The following CCSER2 variants were observed in gnomAD, a reference collection of about 807,000 sequenced individuals.
The protein encoded by CCSER2 is serine-rich coiled-coil domain-containing protein 2.
Under a neutral mutation model 92.3 loss-of-function variants are expected in CCSER2, and 46 were observed. That is an observed-to-expected ratio of 0.50 (90% CI 0.39 to 0.64). CCSER2 has a LOEUF of 0.64. Among genes scored for constraint, CCSER2 ranks in the 30% least tolerant of loss-of-function variants. CCSER2 has a pLI of 0.00. For synonymous variants in CCSER2, 433 were observed against 431.4 expected (o/e 1.00, Z -0.04); for missense variants, 1,244 against 1,238.9 (o/e 1.00, Z -0.06).
intron 3 of CCSER2, among the ~76,000 whole-genome samples, chr10:84,394,365 TGAA>T (rs1300875920): frequency 6.9e-6 from 1 of 145,838 alleles, no homozygotes; most frequent in Non-Finnish European, 1.5e-5. Context: ...CATATGCTCT[TGAA>T]ATAACAAAAG....
At chr10:84,334,219 T>C (rs1190783916) in intron 1 of CCSER2, among the ~76,000 whole-genome samples, 1 of 152,176 alleles carries the variant, frequency 6.6e-6, no homozygotes. Flanking sequence ...ATTGTGGTTG[T>C]ATAGGGTGAA....
rs116668213 is a variant in CCSER2 at position 84,361,617 on chromosome 10, A to G, written c.-39-9397A>G. On this transcript the variant is annotated intron_variant, in intron 1 of 9. Transcript: ENST00000372088. ...GGTCTTCATTACCATGTTGTATTCT[A>G]TTATGTAGAAACTACCACTAACATT... 9.0e-3 allele frequency among the ~76,000 whole-genome samples: 1,361 copies of G among 151,520 alleles called. 18 individuals are homozygous for G. The highest frequency in any genetic ancestry group is 0.031 in the African/African-American group (1,290 of 41,370).
At chr10:84,428,791 A>T (rs1480764921) in intron 5 of CCSER2, among the ~76,000 whole-genome samples, 1 of 152,034 alleles carries the variant, frequency 6.6e-6, no homozygotes, top group Non-Finnish European at 1.5e-5. Flanking sequence ...ATTCATGGAT[A>T]GTTGAGTGTT....
At chr10:84,419,364 A>AAAAAAAAAATAAAAAT (rs749756409) in intron 4 of CCSER2, among the ~76,000 whole-genome samples, 217 of 149,976 alleles carry the variant, frequency 1.4e-3, no homozygotes, top group African/African-American at 5.0e-3. Flanking sequence ...TCAAAAAAAA[A>AAAAAAAAAATAAAAAT]AAAATAAAAT....
chr10:84,349,891 C>T (rs187623939), intron 1 of CCSER2, among the ~76,000 whole-genome samples: 4 of 152,282 alleles, frequency 2.6e-5, no homozygotes, highest in African/African-American at 7.2e-5. Context: ...CAGTGGCTCA[C>T]GCCTGTAATC....
chr10:84,433,475 A>G (rs1843912669), intron 5 of CCSER2, among the ~76,000 whole-genome samples: 1 of 152,094 alleles, frequency 6.6e-6, no homozygotes, highest in Admixed American at 6.6e-5. Context: ...ACACACAGAT[A>G]TACAAACATC....
At chr10:84,389,973 T>C (rs1208645276) in intron 3 of CCSER2, among the ~76,000 whole-genome samples, 1 of 152,184 alleles carries the variant, frequency 6.6e-6, no homozygotes, top group Non-Finnish European at 1.5e-5. Flanking sequence ...TATTAGGAAA[T>C]GCTGTTTCAG....
intron 1 of CCSER2, among the ~76,000 whole-genome samples, chr10:84,370,386 T>C (rs1371855316): frequency 6.6e-6 from 1 of 152,112 alleles, no homozygotes; most frequent in African/African-American, 2.4e-5. Context: ...TTTTATTTTT[T>C]TGCAGCTATG....
rs6585856 is a variant in CCSER2, at chr10:84,391,304, T to A, written c.1614+17489T>A. 6 of 1,455,562 alleles carry A rather than the reference T, an allele frequency of 4.1e-6. No individual in the cohort carries two copies. The African/African-American group carries it at 7.0e-5, about 17-fold the overall frequency. 90.2% of individuals were successfully genotyped at this position (1,455,562 alleles called of 1,614,324 possible). On this transcript the variant is annotated intron_variant, in intron 3 of 9. Coordinates refer to ENST00000372088, the MANE Select transcript of CCSER2 (RefSeq NM_001284240.2). ...TCCAGATAAAGATTTTATGTTAGTG[T>A]CTCTTGATTTACTGAGTGGCCTGGC... is the stretch of plus-strand genomic sequence containing the variant.
chr10:84,503,498 T>C (rs1848880827), intron 9 of CCSER2, among the ~76,000 whole-genome samples: 1 of 152,182 alleles, frequency 6.6e-6, no homozygotes, highest in Admixed American at 6.5e-5. Context: ...CTGTGTAAAA[T>C]TGGGAGTAAT....
At chr10:84,459,363 C>T (rs1015894819) in intron 6 of CCSER2, among the ~76,000 whole-genome samples, 4 of 152,052 alleles carry the variant, frequency 2.6e-5, no homozygotes, top group African/African-American at 7.2e-5. Flanking sequence ...CTTTCCTATT[C>T]GTTCGCCTTT....
chr10:84,449,989 C>T (rs765293980), intron 6 of CCSER2, among the ~76,000 whole-genome samples: 1 of 152,196 alleles, frequency 6.6e-6, no homozygotes, highest in African/African-American at 2.4e-5. Context: ...TAACCTGATA[C>T]ATGTAATGCA....
intron 9 of CCSER2, among the ~76,000 whole-genome samples, chr10:84,510,252 C>A (rs1307118541): frequency 6.6e-6 from 1 of 152,104 alleles, no homozygotes; most frequent in Admixed American, 6.5e-5. Flanking sequence ...GAATATTCTT[C>A]CCTTCTTGTT....
intron 8 of CCSER2, among the ~76,000 whole-genome samples, chr10:84,472,506 A>T (rs1371008749): frequency 6.6e-6 from 1 of 152,150 alleles, no homozygotes; most frequent in Non-Finnish European, 1.5e-5. Flanking sequence ...CAGGAGGCAG[A>T]GGTTGCAGTG....
intron 3 of CCSER2, among the ~76,000 whole-genome samples, chr10:84,412,734 G>C (rs576208052): frequency 1.4e-3 from 210 of 152,294 alleles, no homozygotes; most frequent in African/African-American, 4.8e-3. Context: ...GGGGTTGAAA[G>C]GAAATGGTGT....
Position 84,371,520 on chromosome 10 carries a change from A to G in CCSER2, c.468A>G (p.Thr156=), listed in dbSNP as rs374032235. The G allele has an allele frequency of 3.1e-6, 5 of 1,613,778 alleles. No homozygotes were observed. The highest frequency in any genetic ancestry group is 1.7e-4 in the Middle Eastern group (1 of 6,060). The change falls in exon 2 of 10, where the codon ACA becomes ACG. Residue 156 remains threonine (T), a synonymous_variant. Coordinates refer to ENST00000372088, the MANE Select transcript of CCSER2 (RefSeq NM_001284240.2). ...ATTTGGGTAAATTCACCAAAGGCAC[A>G]TTATTAGGAAGGACTTCATATTCTT... ...PSNLGKFTKG[T]LLGRTSYSSI...
intron 6 of CCSER2, among the ~76,000 whole-genome samples, chr10:84,453,819 C>T (rs1332754753): frequency 1.3e-5 from 2 of 152,118 alleles, no homozygotes; most frequent in African/African-American, 2.4e-5. Context: ...CCTCTGATTA[C>T]TAATTAGAAT....
chr10:84,467,434 C>CA (rs1439894878), intron 7 of CCSER2, among the ~76,000 whole-genome samples: 1 of 152,070 alleles, frequency 6.6e-6, no homozygotes, highest in Non-Finnish European at 1.5e-5. Flanking sequence ...ACTTCTAACA[C>CA]AGACTCTCTC....
At chr10:84,329,842 C>T (rs1270601448) in intron 1 of CCSER2, among the ~76,000 whole-genome samples, 2 of 152,178 alleles carry the variant, frequency 1.3e-5, no homozygotes, top group Non-Finnish European at 2.9e-5. Flanking sequence ...GACTTTATTA[C>T]TGTTTCTCTT....
Sources: allele counts gnomAD v4.1 joint callset (sites outside exome capture counted in the v4.1 genomes callset), GRCh38; gene constraint gnomAD v4.1.1; transcripts MANE v1.5; gene names NCBI Gene and HGNC (gene_info 2026-07-23, HGNC 2026-07-21).